TPD52L2: variants seen among roughly 807,000 people sequenced by gnomAD.
The protein encoded by TPD52L2 is TPD52 like 2.
TPD52L2 carries 19 observed loss-of-function variants against 24.7 expected under a neutral mutation model. The ratio of observed to expected loss-of-function variants is 0.77; its 90% confidence interval spans 0.54 to 1.13. The LOEUF is 1.13. TPD52L2 is among the 50% of genes most tolerant of loss of function. The pLI is 0.00. For missense variants in TPD52L2, 236 were observed against 250.4 expected (o/e 0.94, Z 0.39); for synonymous variants, 104 against 100.2 (o/e 1.04, Z -0.23).
chr20:63,867,962 ATTTT>A (rs1201933332), intron 1 of TPD52L2, among the ~76,000 whole-genome samples: 2 of 146,452 alleles, frequency 1.4e-5, no homozygotes, highest in South Asian at 2.1e-4. Flanking sequence ...TTTTTAAAGA[ATTTT>A]TTTTTGGCCG....
chr20:63,865,903 C>T (rs767224066), intron 1 of TPD52L2, among the ~76,000 whole-genome samples: 1 of 152,170 alleles, frequency 6.6e-6, no homozygotes, highest in Non-Finnish European at 1.5e-5. Flanking sequence ...TTAGGGGTTG[C>T]CTCATGGAGA....
At chr20:63,887,421 T>G in intron 5 of TPD52L2, 1 of 930,760 alleles carries the variant, frequency 1.1e-6, no homozygotes, top group Non-Finnish European at 1.8e-6. Flanking sequence ...TTCGGGGGCA[T>G]TGTGTGGAGG....
At chr20:63,887,015 T>G (rs748312232) in intron 5 of TPD52L2, 2 of 179,000 alleles carry the variant, frequency 1.1e-5, no homozygotes, top group South Asian at 2.1e-4. Context: ...CTGTCCTGTT[T>G]CCTTGTTTTC....
intron 5 of TPD52L2, chr20:63,886,087 T>C (rs752504069): frequency 6.2e-7 from 1 of 1,606,814 alleles, no homozygotes; most frequent in South Asian, 1.1e-5. Flanking sequence ...TTTCTCTGAA[T>C]TGGGGCAGGG....
chr20:63,866,771 T>A (rs6062558), intron 1 of TPD52L2, among the ~76,000 whole-genome samples: 11 of 149,936 alleles, frequency 7.3e-5, no homozygotes, highest in South Asian at 4.2e-4. Context: ...TTTTTTTTTT[T>A]TTTTTAATTT....
intron 3 of TPD52L2, among the ~76,000 whole-genome samples, chr20:63,874,594 A>C (rs1230858635): frequency 6.6e-6 from 1 of 152,006 alleles, no homozygotes; most frequent in Non-Finnish European, 1.5e-5. Flanking sequence ...GGCTGGTCTC[A>C]AATTTCTGGG....
At chr20:63,876,066 A>G (rs2052663915) in intron 4 of TPD52L2, among the ~76,000 whole-genome samples, 191 bp downstream of exon 4, 1 of 152,178 alleles carries the variant, frequency 6.6e-6, no homozygotes. Context: ...ATAGTAGCTG[A>G]GAGAAACTCA....
In TPD52L2 at chr20:63,889,935, C is replaced by T. The variant is rs776825258; in HGVS notation, c.611C>T (p.Ala204Val). 1 of 1,614,156 alleles carries T rather than the reference C, an allele frequency of 6.2e-7. No individual in the cohort carries two copies. The highest frequency in any genetic ancestry group is 1.1e-5 in the South Asian group (1 of 91,084). Residue 204 changes from alanine (A) to valine (V), a missense_variant, in exon 7 of 7, where the codon GCA (alanine) becomes GTA (valine). By Grantham distance (64) the Ala-to-Val change is moderately conservative. Coordinates refer to ENST00000346249, the MANE Select transcript of TPD52L2 (RefSeq NM_003288.4). The stretch of plus-strand genomic sequence containing the variant: ...GGTGACAAGCCCCTGTCGGATCCCG[C>T]ACCTTTCTAAGCCTGTGGTTGCTTC... ...GSGDKPLSDPAPF is the reference protein window; with the variant it reads ...GSGDKPLSDPVPF
chr20:63,887,410 C>CT (rs2053171591), intron 5 of TPD52L2: 3 of 888,522 alleles, frequency 3.4e-6, no homozygotes, highest in African/African-American at 3.3e-5. Context: ...GTCGAGTTTC[C>CT]TTCGGGGGCA....
intron 5 of TPD52L2, among the ~76,000 whole-genome samples, chr20:63,886,373 T>C (rs950291491): frequency 1.3e-5 from 2 of 152,000 alleles, no homozygotes; most frequent in Non-Finnish European, 2.9e-5. Flanking sequence ...AGCTTTTTTT[T>C]TTTTTTAGAC....
At chr20:63,870,592 C>T (rs1464593554) in intron 2 of TPD52L2, among the ~76,000 whole-genome samples, 1 of 137,774 alleles carries the variant, frequency 7.3e-6, no homozygotes, top group Non-Finnish European at 1.5e-5. Context: ...GGCGCAATCT[C>T]GGCTCACTGC....
At chr20:63,876,975 T>C (rs1053926125) in intron 4 of TPD52L2, 3 of 454,346 alleles carry the variant, frequency 6.6e-6, no homozygotes, top group African/African-American at 6.0e-5. Context: ...TACATCTGGG[T>C]GCTCTGGGGA....
At chr20:63,878,578 C>G (rs1284175363) in intron 4 of TPD52L2, among the ~76,000 whole-genome samples, 1 of 152,200 alleles carries the variant, frequency 6.6e-6, no homozygotes, top group Non-Finnish European at 1.5e-5. Flanking sequence ...CCATATGGGT[C>G]TCCCTGGACT....
chr20:63,885,563 C>T (rs757863345), intron 5 of TPD52L2, among the ~76,000 whole-genome samples: 56 of 152,198 alleles, frequency 3.7e-4, no homozygotes, highest in Admixed American at 1.3e-3. Flanking sequence ...CCTCAGCTGA[C>T]GTGATTTGGG....
At chr20:63,886,485 C>T (rs1197977201) in intron 5 of TPD52L2, among the ~76,000 whole-genome samples, 1 of 150,618 alleles carries the variant, frequency 6.6e-6, no homozygotes, top group Non-Finnish European at 1.5e-5. Flanking sequence ...CTCAGCCTCT[C>T]CGAGTAGCTG....
intron 5 of TPD52L2, chr20:63,887,623 G>C: frequency 6.2e-7 from 1 of 1,611,992 alleles, no homozygotes. Flanking sequence ...ATGCCTGCTC[G>C]CTGCGGCTCC....
intron 4 of TPD52L2, 49 bp from the exon 5 acceptor site, chr20:63,882,670 T>C (rs775786333): frequency 1.4e-6 from 2 of 1,459,588 alleles, no homozygotes; most frequent in South Asian, 1.1e-5. Context: ...TGGCTGTGGG[T>C]GGTGACCCGC....
intron 1 of TPD52L2, among the ~76,000 whole-genome samples, chr20:63,867,287 T>G (rs1377652781): frequency 2.6e-5 from 4 of 152,160 alleles, no homozygotes; most frequent in African/African-American, 4.8e-5. Flanking sequence ...ACAGAAAGGC[T>G]GGGCTCGGTG....
At chr20:63,884,153 C>T (rs143298323) in intron 5 of TPD52L2, among the ~76,000 whole-genome samples, 100 of 152,306 alleles carry the variant, frequency 6.6e-4, no homozygotes, top group African/African-American at 2.3e-3. Flanking sequence ...CCTCTGTGCA[C>T]CCTCACACGC....
Sources: gnomAD v4.1 joint callset for allele counts (sites outside exome capture counted in the v4.1 genomes callset) on GRCh38, gnomAD v4.1.1 for gene constraint, MANE v1.5 for transcripts, NCBI Gene and HGNC (gene_info 2026-07-23, HGNC 2026-07-21) for gene names.